The following PDE4D variants were observed in gnomAD, a reference collection of about 807,000 sequenced individuals.
PDE4D encodes phosphodiesterase 4D.
A neutral mutation model predicts 87.4 loss-of-function variants in PDE4D; 24 were observed. The observed-to-expected ratio is 0.27, with a 90% CI of 0.20 to 0.39. PDE4D has a LOEUF of 0.39. Among genes scored for constraint, PDE4D ranks in the 10% least tolerant of loss-of-function variants. The pLI is 1.00. For missense variants in PDE4D, 714 were observed against 1,041.0 expected, an observed-to-expected ratio of 0.69 and a Z score of 4.32; for synonymous variants, 384 against 383.2, an observed-to-expected ratio of 1.00 and a Z score of -0.02.
At chr5:60,084,415 C>T (rs371420171) in intron 2 of PDE4D, among the ~76,000 whole-genome samples, 206 of 151,590 alleles carry the variant, frequency 1.4e-3, no homozygotes, top group African/African-American at 4.8e-3. Flanking sequence ...TGCGCGCGCG[C>T]GTGTGCGCAT....
intron 1 of PDE4D, among the ~76,000 whole-genome samples, chr5:59,246,822 A>G (rs1488602829): frequency 6.6e-6 from 1 of 152,180 alleles, no homozygotes; most frequent in Non-Finnish European, 1.5e-5. Flanking sequence ...GGTGATCTTT[A>G]TCCAGATGAA....
intron 1 of PDE4D, among the ~76,000 whole-genome samples, chr5:59,690,017 G>A (rs1019992524): frequency 6.6e-6 from 1 of 152,092 alleles, no homozygotes; most frequent in African/African-American, 2.4e-5. Context: ...CAAGGGATGT[G>A]AAGGACCTCT....
chr5:59,252,527 GT>G (rs142150968), intron 1 of PDE4D, among the ~76,000 whole-genome samples: 1,580 of 150,758 alleles, frequency 0.01, 23 homozygotes, highest in African/African-American at 0.036. Context: ...TATCATCTGG[GT>G]TTTTTTTTTC....
intron 1 of PDE4D, among the ~76,000 whole-genome samples, chr5:60,195,544 A>G (rs1463748384): frequency 6.6e-6 from 1 of 151,782 alleles, no homozygotes; most frequent in East Asian, 1.9e-4. Context: ...CTCTTCCTCC[A>G]AAATGATAAC....
chr5:59,354,334 T>A (rs1287031948), intron 1 of PDE4D, among the ~76,000 whole-genome samples: 3 of 152,156 alleles, frequency 2.0e-5, no homozygotes, highest in African/African-American at 4.8e-5. Flanking sequence ...GTATATTTTT[T>A]AAAAAATAAG....
At chr5:60,282,365 G>T (rs1372467843) in intron 1 of PDE4D, among the ~76,000 whole-genome samples, 1 of 151,870 alleles carries the variant, frequency 6.6e-6, no homozygotes, top group African/African-American at 2.4e-5. Context: ...CATATTGTAG[G>T]TTGGAAGTCC....
intron 1 of PDE4D, among the ~76,000 whole-genome samples, chr5:60,211,771 C>A (rs571723860): frequency 6.6e-6 from 1 of 151,998 alleles, no homozygotes; most frequent in Non-Finnish European, 1.5e-5. Flanking sequence ...CCCTCATTTT[C>A]GTGGTTTATT....
intron 5 of PDE4D, among the ~76,000 whole-genome samples, chr5:59,078,110 T>C (rs1034986942): frequency 3.9e-5 from 6 of 152,170 alleles, no homozygotes; most frequent in Non-Finnish European, 7.4e-5. Flanking sequence ...TTACAACTAG[T>C]TCATTGATTT....
Position 59,977,346 on chromosome 5 carries a change from C to T in PDE4D, c.272+11142G>A, listed in dbSNP as rs142145476. Among the ~76,000 whole-genome samples, 1,232 of 152,292 alleles carry T rather than the reference C, an allele frequency of 8.1e-3. 26 individuals are homozygous for T. The highest frequency in any genetic ancestry group is 0.029 in the African/African-American group (1,189 of 41,544). On this transcript the variant is annotated intron_variant, in intron 3 of 16. Coordinates refer to the PDE4D transcript ENST00000502484. Reference sequence around the variant, plus strand: ...TGGTCTGGATAGAAGATCAAACCAGCCGCAACATTCCCTTAAGCCAAAGCC... The same window carrying T: ...TGGTCTGGATAGAAGATCAAACCAGTCGCAACATTCCCTTAAGCCAAAGCC...
rs16889147 is a variant in PDE4D at position 59,065,883 on chromosome 5, G to C, written c.809-26912C>G. Among the ~76,000 whole-genome samples the C allele has an allele frequency of 2.3e-3, 350 of 152,154 alleles. 1 individual carries two copies. The highest frequency in any genetic ancestry group is 8.2e-3 in the African/African-American group (342 of 41,522). On this transcript the variant is annotated intron_variant, in intron 5 of 14. Transcript: ENST00000340635. ...CTATACCAATTTGTTTTGTTCCTTG[G>C]TAACTAGACCTTCTTTAATTGGATC...
At chr5:60,231,715 A>C (rs1745832174) in intron 1 of PDE4D, among the ~76,000 whole-genome samples, 1 of 151,946 alleles carries the variant, frequency 6.6e-6, no homozygotes, top group Non-Finnish European at 1.5e-5. Context: ...ATCCTATATA[A>C]CCATTCCCTG....
intron 5 of PDE4D, among the ~76,000 whole-genome samples, chr5:59,129,782 C>T (rs1388575463): frequency 6.6e-6 from 1 of 152,006 alleles, no homozygotes; most frequent in Non-Finnish European, 1.5e-5. Flanking sequence ...GTCAGACAAA[C>T]CTGTGTTGGA....
At chr5:60,397,936 G>A (rs1370934726) in intron 1 of PDE4D, among the ~76,000 whole-genome samples, 2 of 152,116 alleles carry the variant, frequency 1.3e-5, no homozygotes, top group Non-Finnish European at 2.9e-5. Flanking sequence ...TGAAATTCTT[G>A]CACTGTAGCA....
intron 2 of PDE4D, among the ~76,000 whole-genome samples, chr5:60,075,473 T>C (rs555645268): frequency 6.6e-6 from 1 of 152,208 alleles, no homozygotes; most frequent in East Asian, 1.9e-4. Context: ...GAGAATCTGA[T>C]GATTGTCTGT....
chr5:60,034,431 C>T (rs139068338), intron 2 of PDE4D, among the ~76,000 whole-genome samples: 287 of 152,262 alleles, frequency 1.9e-3, no homozygotes, highest in African/African-American at 6.7e-3. Flanking sequence ...GCATTGCATG[C>T]CTTGGCTTGC....
chr5:60,045,808 C>T (rs1333842873), intron 2 of PDE4D, among the ~76,000 whole-genome samples: 1 of 152,140 alleles, frequency 6.6e-6, no homozygotes, highest in African/African-American at 2.4e-5. Flanking sequence ...ATGCCTCCAG[C>T]TTTGTTCTTT....
intron 11 of PDE4D, among the ~76,000 whole-genome samples, chr5:58,982,318 A>T (rs1218444719): frequency 6.6e-6 from 1 of 152,134 alleles, no homozygotes; most frequent in African/African-American, 2.4e-5. Context: ...CTTGCCTCCT[A>T]GCTGAGTAAC....
At chr5:59,069,896 C>T (rs915668095) in intron 5 of PDE4D, among the ~76,000 whole-genome samples, 1 of 151,960 alleles carries the variant, frequency 6.6e-6, no homozygotes, top group African/African-American at 2.4e-5. Flanking sequence ...TGGAAACAAG[C>T]CATCTTTTTT....
At chr5:59,383,452 C>T (rs1786309062) in intron 1 of PDE4D, among the ~76,000 whole-genome samples, 1 of 152,136 alleles carries the variant, frequency 6.6e-6, no homozygotes, top group Non-Finnish European at 1.5e-5. Flanking sequence ...AAATTCTAAC[C>T]ATATTCTCAG....
Sources: gnomAD v4.1 joint callset for allele counts (sites outside exome capture counted in the v4.1 genomes callset) on GRCh38, gnomAD v4.1.1 for gene constraint, MANE v1.5 for transcripts, NCBI Gene and HGNC (gene_info 2026-07-23, HGNC 2026-07-21) for gene names.